RBFOX1: variants seen among roughly 807,000 people sequenced by gnomAD.
RBFOX1 encodes the protein RNA binding fox-1 homolog 1, also known as RNA binding protein fox-1 homolog 1.
A neutral mutation model predicts 57.7 loss-of-function variants in RBFOX1; 8 were observed. That is an observed-to-expected ratio of 0.14 (90% confidence interval 0.08 to 0.25). The LOEUF is 0.25. RBFOX1 is among the 10% of genes least tolerant of loss of function. RBFOX1 has a pLI of 1.00. For synonymous variants in RBFOX1, 326 were observed against 222.4 expected (o/e 1.47, Z -4.15); for missense variants, 611 against 548.5 (o/e 1.11, Z -1.14).
intron 3 of RBFOX1, among the ~76,000 whole-genome samples, chr16:7,047,095 CAA>C (rs1225216284): frequency 1.4e-5 from 2 of 144,766 alleles, no homozygotes; most frequent in African/African-American, 5.1e-5. Context: ...TTAATGAACT[CAA>C]GAGTCCAGTC....
chr16:7,351,632 T>A, intron 4 of RBFOX1, among the ~76,000 whole-genome samples: 1 of 152,304 alleles, frequency 6.6e-6, no homozygotes, highest in East Asian at 1.9e-4. Context: ...TGTCTTGAAA[T>A]TTTTCACCCA....
intron 1 of RBFOX1, among the ~76,000 whole-genome samples, chr16:5,340,880 G>A (rs1387610720): frequency 6.6e-6 from 1 of 152,168 alleles, no homozygotes; most frequent in Non-Finnish European, 1.5e-5. Context: ...GAGGACTCAG[G>A]AGAGAAAGAC....
At chr16:7,658,431 T>C (rs889991235) in intron 12 of RBFOX1, among the ~76,000 whole-genome samples, 24 of 152,234 alleles carry the variant, frequency 1.6e-4, no homozygotes, top group African/African-American at 5.8e-4. Flanking sequence ...TCCTTGCATT[T>C]GATCCTGGAC....
intron 4 of RBFOX1, among the ~76,000 whole-genome samples, chr16:5,966,094 A>G (rs1037620042): frequency 1.2e-4 from 18 of 152,160 alleles, no homozygotes; most frequent in Non-Finnish European, 1.9e-4. Context: ...TTTCAGATGT[A>G]CTATATTTTA....
At chr16:5,332,034 C>T (rs893254085) in intron 1 of RBFOX1, among the ~76,000 whole-genome samples, 16 of 152,316 alleles carry the variant, frequency 1.1e-4, no homozygotes, top group Admixed American at 2.0e-4. Flanking sequence ...AGTAGACTCA[C>T]GTCAGGGCCA....
intron 4 of RBFOX1, among the ~76,000 whole-genome samples, chr16:7,239,033 A>T (rs2093922725): frequency 6.6e-6 from 1 of 152,140 alleles, no homozygotes; most frequent in Admixed American, 6.5e-5. Flanking sequence ...TTCTTTATCC[A>T]GTCTATCATT....
At chr16:6,807,973 AT>A (rs2087322120) in intron 3 of RBFOX1, among the ~76,000 whole-genome samples, 1 of 149,022 alleles carries the variant, frequency 6.7e-6, no homozygotes, top group South Asian at 2.1e-4. Flanking sequence ...TAATATGCGT[AT>A]TGTACCCTGT....
rs2058300188 is a variant in RBFOX1 at position 7,615,539 on chromosome 16, G to A, written c.676+8201G>A. ...GGGTGCTGACTCTGAAAGTTAAGGA[G>A]TAGGGCCAAAGCTGTTATCTTTGTG... On this transcript the variant is annotated intron_variant, in intron 10 of 15. Transcript: ENST00000550418. Among the ~76,000 whole-genome samples the A allele has an allele frequency of 2.0e-5, 3 of 152,234 alleles. No individual in the cohort carries two copies. The South Asian group carries it at 6.2e-4, about 32-fold the overall frequency.
rs976257351 is a variant in RBFOX1 at position 5,495,879 on chromosome 16, A to G, written c.258+28625A>G. Among the ~76,000 whole-genome samples, 7 of 152,312 alleles carry G rather than the reference A, an allele frequency of 4.6e-5. No homozygotes were observed. The South Asian group carries it at 8.3e-4, about 18-fold the overall frequency. On this transcript the variant is annotated intron_variant, in intron 2 of 2. Transcript: ENST00000585867. ...GGTGGCTCACGCCTGTAATCCCGGC[A>G]CTGTGGGAGGCCGAGGCGGGCAGAT...
At chr16:7,118,975 G>A (rs76664724) in intron 4 of RBFOX1, among the ~76,000 whole-genome samples, 4,629 of 152,234 alleles carry the variant, frequency 0.03, 155 homozygotes, top group East Asian at 0.16. Flanking sequence ...ATACATATTG[G>A]ATGTACTTGC....
At chr16:6,342,111 G>A (rs1360261818) in intron 2 of RBFOX1, among the ~76,000 whole-genome samples, 1 of 152,152 alleles carries the variant, frequency 6.6e-6, no homozygotes, top group Non-Finnish European at 1.5e-5. Flanking sequence ...AACAGGAATT[G>A]GCAAACTATC....
chr16:6,052,028 T>C (rs1158378981), intron 1 of RBFOX1, among the ~76,000 whole-genome samples: 4 of 152,098 alleles, frequency 2.6e-5, no homozygotes, highest in Non-Finnish European at 5.9e-5. Flanking sequence ...CCAGTCCCCA[T>C]CATGCCAAAC....
At chr16:6,367,233 C>T (rs1309022608) in intron 2 of RBFOX1, among the ~76,000 whole-genome samples, 2 of 146,916 alleles carry the variant, frequency 1.4e-5, no homozygotes, top group Non-Finnish European at 3.0e-5. Context: ...AGGTTTAGCC[C>T]TTCTTGGATT....
intron 4 of RBFOX1, among the ~76,000 whole-genome samples, chr16:7,112,685 G>T (rs8059472): frequency 0.6 from 80,897 of 134,748 alleles, 22,640 homozygotes; most frequent in South Asian, 0.73. Flanking sequence ...TGTGGGTGTG[G>T]GTGTGTCTCT....
intron 2 of RBFOX1, among the ~76,000 whole-genome samples, chr16:5,576,284 C>G (rs781046617): frequency 6.6e-6 from 1 of 152,184 alleles, no homozygotes; most frequent in South Asian, 2.1e-4. Flanking sequence ...TGAGCCACTA[C>G]GCCTAACCAG....
chr16:6,005,771 G>A (rs991983524), intron 4 of RBFOX1, among the ~76,000 whole-genome samples: 9 of 152,222 alleles, frequency 5.9e-5, no homozygotes, highest in African/African-American at 9.6e-5. Flanking sequence ...AAGAGCAGCT[G>A]ATTCAGCCAG....
intron 4 of RBFOX1, among the ~76,000 whole-genome samples, chr16:5,901,025 G>T (rs889635102): frequency 6.6e-6 from 1 of 152,208 alleles, no homozygotes. Context: ...GCCTTTGGTT[G>T]CAGAGATACC....
intron 3 of RBFOX1, among the ~76,000 whole-genome samples, chr16:7,047,631 A>T (rs1270904917): frequency 6.9e-6 from 1 of 145,290 alleles, no homozygotes; most frequent in Non-Finnish European, 1.5e-5. Flanking sequence ...TTTTTTTTGC[A>T]GTGAACTCTT....
intron 3 of RBFOX1, among the ~76,000 whole-genome samples, chr16:6,960,973 C>CAA (rs1168858782): frequency 3.0e-4 from 11 of 36,142 alleles, no homozygotes; most frequent in East Asian, 8.1e-4. Flanking sequence ...ACTGAAAATA[C>CAA]AAAAAAAAAA....
Sources: allele counts gnomAD v4.1 joint callset (sites outside exome capture counted in the v4.1 genomes callset), GRCh38; gene constraint gnomAD v4.1.1; transcripts MANE v1.5; gene names NCBI Gene and HGNC (gene_info 2026-07-23, HGNC 2026-07-21).